The following HS6ST1 variants were observed in gnomAD, a reference collection of about 807,000 sequenced individuals.
HS6ST1 encodes the protein heparan-sulfate 6-O-sulfotransferase 1.
Under a neutral mutation model 25.2 loss-of-function variants are expected in HS6ST1, and 3 were observed. The observed-to-expected ratio is 0.12, with a 90% CI of 0.05 to 0.31. The LOEUF is 0.31. Among genes scored for constraint, HS6ST1 ranks in the 10% least tolerant of loss-of-function variants. The pLI is 1.00. For missense variants in HS6ST1, 310 were observed against 609.6 expected, an observed-to-expected ratio of 0.51 and a Z score of 5.18; for synonymous variants, 204 against 275.1, an observed-to-expected ratio of 0.74 and a Z score of 2.56.
chr2:128,305,244 C>G (rs1213703164), intron 1 of HS6ST1, among the ~76,000 whole-genome samples: 1 of 152,242 alleles, frequency 6.6e-6, no homozygotes, highest in Non-Finnish European at 1.5e-5. Flanking sequence ...GAATGATGTT[C>G]TCTGCTGGGA....
chr2:128,286,122 G>A (rs1693856683), intron 1 of HS6ST1, among the ~76,000 whole-genome samples: 1 of 152,236 alleles, frequency 6.6e-6, no homozygotes, highest in South Asian at 2.1e-4. Context: ...AGAGCCTACA[G>A]CACCCTGCAG....
At chr2:128,300,792 G>A (rs571869394) in intron 1 of HS6ST1, among the ~76,000 whole-genome samples, 9 of 152,326 alleles carry the variant, frequency 5.9e-5, no homozygotes, top group African/African-American at 1.9e-4. Context: ...GAGATGCCTA[G>A]GGCAGACCCT....
intron 1 of HS6ST1, among the ~76,000 whole-genome samples, chr2:128,305,886 A>G (rs1694200619): frequency 2.0e-5 from 3 of 152,158 alleles, no homozygotes; most frequent in South Asian, 4.1e-4. Flanking sequence ...CTGCTCGCAG[A>G]GCAGCTGCGT....
intron 1 of HS6ST1, among the ~76,000 whole-genome samples, chr2:128,313,116 G>A (rs1239448316): frequency 6.6e-6 from 1 of 152,100 alleles, no homozygotes; most frequent in African/African-American, 2.4e-5. Context: ...CACTGACATG[G>A]GTGCTCACAG....
Position 128,318,843 on chromosome 2 carries a change from GCTCCA to G in HS6ST1, c.-285_-281del, listed in dbSNP as rs958834680. ...CGCGCCCCCAGCACCAGCCCGCTCC[GCTCCA>G]CTCCGCGCCGAGAACGCTCTGCGCC... On this transcript the variant is annotated 5_prime_UTR_variant, in exon 1 of 2. Coordinates refer to ENST00000259241, the MANE Select transcript of HS6ST1 (RefSeq NM_004807.3). This position sits in a 1 kb window ranked among gnomAD's most constrained non-coding sequence, Gnocchi z 5.7. Among the ~76,000 whole-genome samples, 4 of 147,552 alleles carry G rather than the reference GCTCCA, an allele frequency of 2.7e-5. No individual in the cohort carries two copies. Among genetic ancestry groups the G allele is most frequent in the Non-Finnish European group, 6.0e-5 (4 of 66,274 alleles).
intron 1 of HS6ST1, among the ~76,000 whole-genome samples, chr2:128,308,928 GC>G (rs1290224226): frequency 1.3e-5 from 2 of 152,220 alleles, no homozygotes; most frequent in African/African-American, 4.8e-5. Flanking sequence ...TCAGATTCTA[GC>G]CTCTTATAGT....
At chr2:128,280,317 C>T (rs976637638) in intron 1 of HS6ST1, among the ~76,000 whole-genome samples, 1 of 152,252 alleles carries the variant, frequency 6.6e-6, no homozygotes, top group East Asian at 1.9e-4. Flanking sequence ...CGCAGCTCTC[C>T]AGGGCCACAA....
chr2:128,313,022 C>T (rs1694314290), intron 1 of HS6ST1, among the ~76,000 whole-genome samples: 1 of 152,048 alleles, frequency 6.6e-6, no homozygotes, highest in African/African-American at 2.4e-5. Flanking sequence ...GAGATCGTGC[C>T]ATCATTGTCC....
intron 1 of HS6ST1, among the ~76,000 whole-genome samples, chr2:128,317,613 G>C (rs1025993517): frequency 6.6e-6 from 1 of 152,190 alleles, no homozygotes; most frequent in Non-Finnish European, 1.5e-5. Flanking sequence ...CCACTTTTGG[G>C]ACCACAGCAC....
intron 1 of HS6ST1, among the ~76,000 whole-genome samples, chr2:128,315,260 A>C (rs1359106030): frequency 6.6e-6 from 1 of 152,206 alleles, no homozygotes; most frequent in Non-Finnish European, 1.5e-5. Flanking sequence ...TCCAAACCAT[A>C]TTCCAGGAAG....
At chr2:128,275,762 C>G (rs1269487999) in intron 1 of HS6ST1, among the ~76,000 whole-genome samples, 1 of 152,180 alleles carries the variant, frequency 6.6e-6, no homozygotes, top group Non-Finnish European at 1.5e-5. Flanking sequence ...ACGGTGAGAA[C>G]AGTCATCTCC....
chr2:128,276,970 G>A (rs1054425028), intron 1 of HS6ST1, among the ~76,000 whole-genome samples: 9 of 152,152 alleles, frequency 5.9e-5, no homozygotes, highest in African/African-American at 1.4e-4. Context: ...AAGGGTGGCC[G>A]GTTTCCAGGG....
chr2:128,306,748 C>A (rs1000539593), intron 1 of HS6ST1, among the ~76,000 whole-genome samples: 1 of 152,270 alleles, frequency 6.6e-6, no homozygotes, highest in East Asian at 1.9e-4. Context: ...GGGGCTACCA[C>A]CCCCATGCTC....
chr2:128,274,809 C>G (rs1181155688), intron 1 of HS6ST1, among the ~76,000 whole-genome samples: 2 of 152,018 alleles, frequency 1.3e-5, no homozygotes, highest in African/African-American at 2.4e-5. Context: ...AAAACCCCAT[C>G]TCTACTAAAA....
At chr2:128,316,120 C>G (rs991982397) in intron 1 of HS6ST1, among the ~76,000 whole-genome samples, 10 of 152,216 alleles carry the variant, frequency 6.6e-5, no homozygotes, top group African/African-American at 2.4e-4. Context: ...GGTGTAGCAC[C>G]TGGGGCCCCA....
chr2:128,302,633 G>A (rs774919465), intron 1 of HS6ST1, among the ~76,000 whole-genome samples: 12 of 152,120 alleles, frequency 7.9e-5, no homozygotes, highest in South Asian at 2.1e-4. Context: ...CCTGGTGGCT[G>A]GCTCCCCTCC....
intron 1 of HS6ST1, among the ~76,000 whole-genome samples, chr2:128,315,993 G>T (rs1694357381): frequency 1.3e-5 from 2 of 152,218 alleles, no homozygotes; most frequent in African/African-American, 4.8e-5. Context: ...TCCCAACCCT[G>T]GCGCATGCTG....
chr2:128,314,786 C>A (rs861461), intron 1 of HS6ST1, among the ~76,000 whole-genome samples: 27 of 152,200 alleles, frequency 1.8e-4, no homozygotes, highest in African/African-American at 5.8e-4. Context: ...CCCGGGTTCC[C>A]GGCCAAGGTG....
intron 1 of HS6ST1, among the ~76,000 whole-genome samples, chr2:128,297,694 C>T (rs549312390): frequency 2.8e-4 from 43 of 152,174 alleles, no homozygotes; most frequent in African/African-American, 1.0e-3. Context: ...ATTAGCTGGG[C>T]GTGGTGGCAC....
Sources: gnomAD v4.1 joint callset for allele counts (sites outside exome capture counted in the v4.1 genomes callset) on GRCh38, gnomAD v4.1.1 for gene constraint, Gnocchi (gnomAD v3.1) non-coding constraint, MANE v1.5 for transcripts, NCBI Gene and HGNC (gene_info 2026-07-23, HGNC 2026-07-21) for gene names.